The following KIF15 variants were observed in gnomAD, a reference collection of about 807,000 sequenced individuals.
The protein encoded by KIF15 is kinesin-like protein KIF15.
A neutral mutation model predicts 190.6 loss-of-function variants in KIF15; 140 were observed. The ratio of observed to expected loss-of-function variants is 0.73; its 90% CI spans 0.64 to 0.84. KIF15 has a LOEUF of 0.84. Ranked by LOEUF, KIF15 falls within the 40% of genes least tolerant of loss-of-function variation. The pLI is 0.00. For synonymous variants in KIF15, 528 were observed against 551.3 expected (o/e 0.96, Z 0.59); for missense variants, 1,372 against 1,584.4 (o/e 0.87, Z 2.28).
intron 6 of KIF15, among the ~76,000 whole-genome samples, chr3:44,858,673 G>T (rs1699211286): frequency 6.6e-6 from 1 of 152,154 alleles, no homozygotes. Context: ...GGGCAAGTGG[G>T]GATAACTAAA....
chr3:44,814,793 C>G, intron 19 of KIF15, 118 bp from the exon 20 acceptor site: 1 of 700,962 alleles, frequency 1.4e-6, no homozygotes, highest in Non-Finnish European at 2.2e-6. Context: ...AATTCTTTAA[C>G]ATTTTTCCTT....
chr3:44,854,707 C>T (rs1007711314), downstream of KIF15, among the ~76,000 whole-genome samples: 2 of 152,062 alleles, frequency 1.3e-5, no homozygotes, highest in Non-Finnish European at 2.9e-5. Context: ...GTTCTGGAGG[C>T]GAGCAGTCCA....
chr3:44,826,337 C>A lies in KIF15; in HGVS notation c.2701-38C>A, dbSNP rs146030503. On this transcript the variant is annotated intron_variant, in intron 21 of 34. Transcript: ENST00000326047. ...TGACATGTTCGTTGACTATGCATTG[C>A]TAGTAACAGTTACTTAAAATCTAAT... 493 of 1,576,210 alleles carry A rather than the reference C, an allele frequency of 3.1e-4. No individual in the cohort carries two copies. The East Asian group carries it at 5.7e-3, about 18-fold the overall frequency.
chr3:44,812,178 G>A lies in KIF15; in HGVS notation c.2170-4G>A. The A allele has an allele frequency of 1.9e-6, 3 of 1,599,770 alleles. No individual in the cohort carries two copies. The highest frequency in any genetic ancestry group is 1.7e-6 in the Non-Finnish European group (2 of 1,172,360). On this transcript the variant is annotated splice_region_variant and splice_polypyrimidine_tract_variant and intron_variant, in intron 17 of 34. Transcript: ENST00000326047. Reference sequence around the variant, plus strand: ...TTTTGATGACTGAAGTTTTTGTGTTGCAGGAACAAATGAGTGCTCTTCAAG... The same window carrying A: ...TTTTGATGACTGAAGTTTTTGTGTTACAGGAACAAATGAGTGCTCTTCAAG...
intron 10 of KIF15, 53 bp downstream of exon 10, chr3:44,798,009 AC>A: frequency 6.8e-7 from 1 of 1,481,480 alleles, no homozygotes; most frequent in South Asian, 1.3e-5. Flanking sequence ...ACTAAAGCTT[AC>A]AGTATGCCAT....
intron 14 of KIF15, among the ~76,000 whole-genome samples, chr3:44,803,414 G>A (rs923860272): frequency 6.6e-6 from 1 of 152,216 alleles, no homozygotes; most frequent in African/African-American, 2.4e-5. Context: ...TCATAGCACA[G>A]TGTTTGGGTC....
chr3:44,837,752 A>C (rs577772143), intron 26 of KIF15, among the ~76,000 whole-genome samples: 1 of 152,214 alleles, frequency 6.6e-6, no homozygotes, highest in African/African-American at 2.4e-5. Context: ...TATGCAACCT[A>C]TAGGACTTCT....
chr3:44,788,100 G>T (rs1706500462), intron 7 of KIF15, among the ~76,000 whole-genome samples: 3 of 152,164 alleles, frequency 2.0e-5, no homozygotes. Flanking sequence ...CAATCCACCT[G>T]CCTTGGCCTC....
chr3:44,799,850 G>T (rs1363999251), intron 10 of KIF15, among the ~76,000 whole-genome samples: 1 of 151,964 alleles, frequency 6.6e-6, no homozygotes, highest in Non-Finnish European at 1.5e-5. Flanking sequence ...TCTGGAGAAG[G>T]TTGCTTCTGC....
intron 6 of KIF15, 127 bp downstream of exon 6, chr3:44,785,069 G>A: frequency 2.0e-6 from 1 of 503,524 alleles, no homozygotes; most frequent in Non-Finnish European, 3.5e-6. Context: ...GACTAGCGTG[G>A]CATAAAAAAA....
chr3:44,774,459 A>T, intron 2 of KIF15, 22 bp downstream of exon 2: 1 of 1,592,566 alleles, frequency 6.3e-7, no homozygotes, highest in Non-Finnish European at 8.6e-7. Context: ...AATATTCTCA[A>T]TGAGCTCCCA....
At chr3:44,801,275 G>A (rs1250297059) in intron 11 of KIF15, among the ~76,000 whole-genome samples, 175 bp from the exon 12 acceptor site, 5 of 151,306 alleles carry the variant, frequency 3.3e-5, no homozygotes, top group African/African-American at 9.7e-5. Context: ...AAAGATATCC[G>A]TCTGCTTCAG....
intron 6 of KIF15, chr3:44,863,665 C>T (rs1699288829): frequency 6.4e-6 from 1 of 155,734 alleles, no homozygotes; most frequent in Admixed American, 6.2e-5. Flanking sequence ...AAACACAGCC[C>T]AGGACCTAAC....
At chr3:44,842,156 C>T (rs926502374) in intron 29 of KIF15, among the ~76,000 whole-genome samples, 1 of 152,160 alleles carries the variant, frequency 6.6e-6, no homozygotes, top group Non-Finnish European at 1.5e-5. Context: ...ATTTTTCTAT[C>T]ACTGGACTTT....
In KIF15 at chr3:44,801,807, A is replaced by G. The variant is rs1707289018; in HGVS notation, c.1342A>G (p.Lys448Glu). 1.2e-6 allele frequency: 2 copies of G among 1,606,040 alleles called. No homozygotes were observed. Among genetic ancestry groups the G allele is most frequent in the Non-Finnish European group, 1.7e-6 (2 of 1,174,214 alleles). ...TACCCAATTAGAAGACCTCACCCTC[A>G]AAAAGGAAAAATTTATTCAATCTAA... ...KVTQLEDLTL[K>E]KEKFIQSNKM... Residue 448 changes from lysine to glutamate, a missense_variant, in exon 13 of 35, where the codon AAA becomes GAA. Coordinates refer to ENST00000326047, the MANE Select transcript of KIF15 (RefSeq NM_020242.3).
At chr3:44,827,997 G>C (rs1392629815) in intron 23 of KIF15, among the ~76,000 whole-genome samples, 1 of 152,054 alleles carries the variant, frequency 6.6e-6, no homozygotes, top group Non-Finnish European at 1.5e-5. Context: ...TTCGACTCTT[G>C]TTTTTCTAAC....
At chr3:44,799,776 AAAAG>A (rs1707176891) in intron 10 of KIF15, among the ~76,000 whole-genome samples, 1 of 151,650 alleles carries the variant, frequency 6.6e-6, no homozygotes, top group Admixed American at 6.6e-5. Flanking sequence ...AAAAAAAAAA[AAAAG>A]GAAGTGTCAA....
intron 20 of KIF15, among the ~76,000 whole-genome samples, chr3:44,823,312 C>G (rs1296248789): frequency 6.6e-6 from 1 of 152,176 alleles, no homozygotes; most frequent in Non-Finnish European, 1.5e-5. Context: ...ACTCCAGACC[C>G]TGTTTGCCTG....
intron 20 of KIF15, among the ~76,000 whole-genome samples, chr3:44,824,759 T>G (rs1247962162): frequency 6.6e-5 from 10 of 152,058 alleles, no homozygotes; most frequent in South Asian, 2.1e-4. Context: ...TTCCTAGGTT[T>G]GTTTGTTTGT....
Sources: gnomAD v4.1 joint callset for allele counts (sites outside exome capture counted in the v4.1 genomes callset) on GRCh38, gnomAD v4.1.1 for gene constraint, MANE v1.5 for transcripts, NCBI Gene and HGNC (gene_info 2026-07-23, HGNC 2026-07-21) for gene names.